The following CDCA2 variants were observed in gnomAD, a reference collection of about 807,000 sequenced individuals.
The protein encoded by CDCA2 is cell division cycle-associated protein 2.
In CDCA2, 44 loss-of-function variants were observed where a neutral mutation model predicts 67.0. The observed-to-expected ratio is 0.66, with a 90% CI of 0.52 to 0.84. The LOEUF (loss-of-function observed/expected upper bound fraction) is 0.84. Among genes scored for constraint, CDCA2 ranks in the 40% least tolerant of loss-of-function variants. The pLI is 0.00. For synonymous variants in CDCA2, 447 were observed against 418.7 expected (o/e 1.07, Z -0.82); for missense variants, 1,253 against 1,203.2 (o/e 1.04, Z -0.61).
At chr8:25,480,444 TAA>T (rs1372342049) in intron 8 of CDCA2, among the ~76,000 whole-genome samples, 1 of 152,176 alleles carries the variant, frequency 6.6e-6, no homozygotes, top group African/African-American at 2.4e-5. Context: ...TATAATTATA[TAA>T]GTGATATTAA....
At chr8:25,501,165 C>G (rs868743842) in intron 13 of CDCA2, among the ~76,000 whole-genome samples, 1 of 152,180 alleles carries the variant, frequency 6.6e-6, no homozygotes, top group African/African-American at 2.4e-5. Flanking sequence ...ATACTGTGGA[C>G]TTCTCATAGA....
At chr8:25,483,632 A>G in intron 9 of CDCA2, 146 bp downstream of exon 9, 1 of 626,980 alleles carries the variant, frequency 1.6e-6, no homozygotes. Context: ...AGAAGGTTAG[A>G]ATCTCCTTGG....
intron 13 of CDCA2, among the ~76,000 whole-genome samples, chr8:25,499,505 T>C (rs1804387790): frequency 6.6e-6 from 1 of 151,874 alleles, no homozygotes; most frequent in African/African-American, 2.4e-5. Flanking sequence ...GGTTTCGTCA[T>C]GTTGCCCAGG....
intron 5 of CDCA2, among the ~76,000 whole-genome samples, chr8:25,467,065 A>AAAAAAC (rs1468639428): frequency 2.0e-4 from 25 of 126,222 alleles, no homozygotes; most frequent in Non-Finnish European, 2.5e-4. Context: ...AAAAAAAAAA[A>AAAAAAC]ACACACACAC....
Position 25,468,412 on chromosome 8 carries a change from A to T in CDCA2, c.734A>T (p.Glu245Val). 6.2e-7 allele frequency: 1 copy of T among 1,608,456 alleles called. No individual in the cohort carries two copies. The highest frequency in any genetic ancestry group is 1.1e-5 in the South Asian group (1 of 90,308). Reference protein sequence around the residue: ...CAVETSVDLSEISSKLGSTQS... With the variant: ...CAVETSVDLSVISSKLGSTQS... ...GTTGAAACTTCTGTAGATCTTTCTG[A>T]GGTAATTCACTTACTTTACGCATAG... The change falls in exon 6 of 15, where the codon GAG becomes GTG. Residue 245 changes from glutamate to valine, a missense_variant and splice_region_variant. Glu to Val is a moderately radical substitution (Grantham distance 121). Transcript: ENST00000330560.
At position 25,507,351 on chromosome 8, in the gene CDCA2, G is replaced by A. The variant is rs779483147; in HGVS notation, c.2685G>A (p.Arg895=). The change falls in exon 15 of 15, where the codon AGG becomes AGA. Residue 895 remains arginine (R), a synonymous_variant. Transcript: ENST00000330560. The part of the protein sequence containing the change: ...NSETKVRRST[R]LQKDLENEGL... ...AAACCAAAGTGCGACGTAGCACGAG[G>A]CTACAGAAGGATTTAGAAAACGAAG... The A allele has an allele frequency of 1.2e-6, 2 of 1,613,444 alleles. No homozygotes were observed. The highest frequency in any genetic ancestry group is 1.7e-6 in the Non-Finnish European group (2 of 1,179,904).
At chr8:25,467,491 C>A (rs889741441) in intron 5 of CDCA2, among the ~76,000 whole-genome samples, 1 of 151,744 alleles carries the variant, frequency 6.6e-6, no homozygotes, top group Non-Finnish European at 1.5e-5. Flanking sequence ...CAGACAGTTC[C>A]TTTTTTTTAG....
intron 13 of CDCA2, among the ~76,000 whole-genome samples, chr8:25,499,367 G>A (rs1187380797): frequency 2.3e-5 from 3 of 133,018 alleles, no homozygotes; most frequent in Admixed American, 9.2e-5. Flanking sequence ...GCAGTGGCTC[G>A]ATCTCAGCTC....
intron 13 of CDCA2, among the ~76,000 whole-genome samples, chr8:25,500,463 A>G (rs1015430246): frequency 1.3e-5 from 2 of 152,176 alleles, no homozygotes; most frequent in African/African-American, 2.4e-5. Context: ...ATATATCAAA[A>G]TATGGTGTTG....
At chr8:25,471,545 G>T (rs1482055088) in intron 7 of CDCA2, among the ~76,000 whole-genome samples, 1 of 152,040 alleles carries the variant, frequency 6.6e-6, no homozygotes, top group Admixed American at 6.5e-5. Flanking sequence ...TGTATTTTCA[G>T]TTGAAACAGG....
At chr8:25,468,478 G>T in intron 6 of CDCA2, 65 bp downstream of exon 6, 1 of 1,314,338 alleles carries the variant, frequency 7.6e-7, no homozygotes, top group Non-Finnish European at 1.1e-6. Context: ...CAGTTTTAAG[G>T]CTGTCAGTGC....
At chr8:25,462,766 T>C (rs74566494) in intron 4 of CDCA2, among the ~76,000 whole-genome samples, 6,695 of 152,312 alleles carry the variant, frequency 0.044, 194 homozygotes, top group South Asian at 0.13. Context: ...AGCAATGAAC[T>C]CCTGGGCTCA....
In CDCA2 at chr8:25,478,886, GTGTATATATA is replaced by G. The variant is rs1464073242; in HGVS notation, c.821-1025_821-1016del. On this transcript the variant is annotated intron_variant, in intron 7 of 14. Coordinates refer to ENST00000330560, the MANE Select transcript of CDCA2 (RefSeq NM_152562.4). ...CATATATTAACTACTTGTTGTGTGT[GTGTATATATA>G]TATATATATATATATATTAACTTTT... Among the ~76,000 whole-genome samples, 8 of 119,804 alleles carry G rather than the reference GTGTATATATA, an allele frequency of 6.7e-5. No individual in the cohort carries two copies. In the East Asian group the frequency reaches 9.9e-4, roughly 15 times the overall value. The allele number at this position is 119,804 out of a possible 152,430, so 78.6% of individuals were successfully genotyped here. A position where few individuals can be genotyped will look rare whatever the true frequency, so the allele number is the denominator to read the frequency against.
chr8:25,479,220 C>T (rs1303741598), intron 7 of CDCA2, among the ~76,000 whole-genome samples: 2 of 152,122 alleles, frequency 1.3e-5, no homozygotes, highest in Non-Finnish European at 2.9e-5. Flanking sequence ...TCATGTTACC[C>T]TTCATAGCCA....
At chr8:25,472,178 A>AT (rs1803180296) in intron 7 of CDCA2, 1 of 147,256 alleles carries the variant, frequency 6.8e-6, no homozygotes, top group South Asian at 2.2e-4. Flanking sequence ...AGAGCTGCTA[A>AT]TATTTGGTAT....
Position 25,460,385 on chromosome 8 carries a change from A to G in CDCA2, c.63A>G (p.Gly21=), listed in dbSNP as rs1312091909. 6.2e-7 allele frequency: 1 copy of G among 1,614,198 alleles called. No individual in the cohort carries two copies. Among genetic ancestry groups the G allele is most frequent in the Admixed American group, 1.7e-5 (1 of 60,018 alleles). ...CCTACAATATGTCGTCCGTTTCAGG[A>G]AATGCCTCTTTCATTTTGGGAACTG... ...ETKESAMNNA[G]NASFILGTGK... Residue 21 remains glycine (G), a splice_region_variant and synonymous_variant, in exon 3 of 15, where the codon GGA becomes GGG. Coordinates refer to ENST00000330560, the MANE Select transcript of CDCA2 (RefSeq NM_152562.4).
At chr8:25,469,868 T>C (rs1417387096) in intron 6 of CDCA2, 28 bp from the exon 7 acceptor site, 1 of 1,451,928 alleles carries the variant, frequency 6.9e-7, no homozygotes, top group Non-Finnish European at 9.6e-7. Flanking sequence ...ATTAATAAAA[T>C]GTAATACTCT....
At chr8:25,475,346 C>T (rs1228438062) in intron 7 of CDCA2, among the ~76,000 whole-genome samples, 1 of 152,016 alleles carries the variant, frequency 6.6e-6, no homozygotes, top group African/African-American at 2.4e-5. Flanking sequence ...TGGTGAAATC[C>T]CGGCTCTACT....
At position 25,466,278 on chromosome 8, in the gene CDCA2, G is replaced by A. The variant is rs1181017694; in HGVS notation, c.491G>A (p.Cys164Tyr). The A allele has an allele frequency of 4.3e-6, 7 of 1,610,126 alleles. No homozygotes were observed. Among genetic ancestry groups the A allele is most frequent in the East Asian group, 2.2e-5 (1 of 44,788 alleles). Residue 164 changes from cysteine (C) to tyrosine (Y), a missense_variant, in exon 5 of 15, where the codon TGT becomes TAT. Coordinates refer to ENST00000330560, the MANE Select transcript of CDCA2 (RefSeq NM_152562.4). ...SIKENEKMTG[C>Y]LEFSEAGKES... ...AAGGAAAACGAGAAAATGACCGGCT[G>A]TCTGGAATTCTCAGAGGCAGGAAAA...
Sources: gnomAD v4.1 joint callset for allele counts (sites outside exome capture counted in the v4.1 genomes callset) on GRCh38, gnomAD v4.1.1 for gene constraint, MANE v1.5 for transcripts, NCBI Gene and HGNC (gene_info 2026-07-23, HGNC 2026-07-21) for gene names.